MGMT: variants seen among roughly 807,000 people sequenced by gnomAD.
The protein encoded by MGMT is O-6-methylguanine-DNA methyltransferase.
In MGMT, 14 loss-of-function variants were observed where a neutral mutation model predicts 15.9. The ratio of observed to expected loss-of-function variants is 0.88; its 90% CI spans 0.58 to 1.37. The LOEUF (loss-of-function observed/expected upper bound fraction) is 1.37, where lower values mean the gene tolerates loss of function less well. Among genes scored for constraint, MGMT ranks in the 40% most tolerant of loss-of-function variants. The pLI is 0.00. For synonymous variants in MGMT, 130 were observed against 118.2 expected (o/e 1.10, Z -0.65); for missense variants, 282 against 268.1 (o/e 1.05, Z -0.36).
At chr10:129,709,865 T>A (rs1481401611) in intron 3 of MGMT, among the ~76,000 whole-genome samples, 1 of 151,854 alleles carries the variant, frequency 6.6e-6, no homozygotes, top group African/African-American at 2.4e-5. Context: ...GGAGGAGGCC[T>A]CCGCAGCTGC....
chr10:129,747,414 A>G (rs1244669619), intron 3 of MGMT, among the ~76,000 whole-genome samples: 3 of 152,154 alleles, frequency 2.0e-5, no homozygotes, highest in Non-Finnish European at 4.4e-5. Context: ...GTTAAATTGT[A>G]TTAAATATTT....
chr10:129,724,514 T>C (rs1426229877), intron 3 of MGMT, among the ~76,000 whole-genome samples: 1 of 152,178 alleles, frequency 6.6e-6, no homozygotes, highest in Non-Finnish European at 1.5e-5. Flanking sequence ...CAAATGATGT[T>C]GAAGATGGTA....
intron 2 of MGMT, among the ~76,000 whole-genome samples, chr10:129,658,406 C>A (rs1847556728): frequency 6.6e-6 from 1 of 152,188 alleles, no homozygotes; most frequent in South Asian, 2.1e-4. Flanking sequence ...TGACAGGTGA[C>A]CCTCAGAGCA....
intron 2 of MGMT, among the ~76,000 whole-genome samples, chr10:129,563,546 A>G (rs1359423566): frequency 6.6e-6 from 1 of 152,036 alleles, no homozygotes; most frequent in Non-Finnish European, 1.5e-5. Flanking sequence ...TGTCATGAAA[A>G]TTTAATTTTT....
intron 2 of MGMT, among the ~76,000 whole-genome samples, chr10:129,550,649 G>A (rs565125353): frequency 2.8e-4 from 42 of 152,156 alleles, no homozygotes; most frequent in African/African-American, 1.0e-3. Context: ...GTTTCACCGT[G>A]TTGCCAGGAT....
At chr10:129,732,746 G>T (rs1416570126) in intron 3 of MGMT, among the ~76,000 whole-genome samples, 1 of 129,290 alleles carries the variant, frequency 7.7e-6, no homozygotes, top group Admixed American at 9.1e-5. Flanking sequence ...TGTGATGTTC[G>T]CCTTCCTGTG....
chr10:129,646,754 A>ATATATATTTTTTTTTTTT, intron 2 of MGMT, among the ~76,000 whole-genome samples: 27 of 86,652 alleles, frequency 3.1e-4, no homozygotes, highest in African/African-American at 1.0e-3. Flanking sequence ...ATATATATAT[A>ATATATATTTTTTTTTTTT]TTTTCAGGGA....
intron 3 of MGMT, among the ~76,000 whole-genome samples, chr10:129,744,595 G>A (rs1848672505): frequency 6.6e-6 from 1 of 152,234 alleles, no homozygotes; most frequent in Non-Finnish European, 1.5e-5. Context: ...CACAGGCCTG[G>A]CAAAGGCTGC....
At chr10:129,575,775 G>T (rs1340349837) in intron 2 of MGMT, among the ~76,000 whole-genome samples, 4 of 152,010 alleles carry the variant, frequency 2.6e-5, no homozygotes, top group Non-Finnish European at 5.9e-5. Context: ...CAACAAAATT[G>T]ATAGACTGCT....
intron 3 of MGMT, among the ~76,000 whole-genome samples, chr10:129,727,609 C>A (rs1016938324): frequency 7.9e-5 from 12 of 152,202 alleles, no homozygotes; most frequent in African/African-American, 2.9e-4. Context: ...CATAGCTGGT[C>A]CTTGTCCTTT....
intron 1 of MGMT, among the ~76,000 whole-genome samples, chr10:129,497,952 T>C (rs1202550014): frequency 6.6e-6 from 1 of 152,222 alleles, no homozygotes; most frequent in East Asian, 1.9e-4. Flanking sequence ...GAATTTCTGT[T>C]GTTTACAAAG....
At chr10:129,484,956 A>G (rs756878741) in intron 1 of MGMT, among the ~76,000 whole-genome samples, 42 of 151,696 alleles carry the variant, frequency 2.8e-4, no homozygotes, top group Non-Finnish European at 5.1e-4. Context: ...TGTATTTTAT[A>G]TATGTGTGTA....
chr10:129,496,598 A>G (rs1312534225), intron 1 of MGMT, among the ~76,000 whole-genome samples: 1 of 151,934 alleles, frequency 6.6e-6, no homozygotes, highest in Non-Finnish European at 1.5e-5. Context: ...AGGGTGGTGC[A>G]CTCTGGGCCG....
At chr10:129,554,842 A>G (rs565438756) in intron 2 of MGMT, among the ~76,000 whole-genome samples, 1 of 152,326 alleles carries the variant, frequency 6.6e-6, no homozygotes, top group Admixed American at 6.5e-5. Context: ...CCCATAGCTC[A>G]GAAGTGACAT....
At chr10:129,511,178 C>T (rs1845679273) in intron 1 of MGMT, among the ~76,000 whole-genome samples, 1 of 147,464 alleles carries the variant, frequency 6.8e-6, no homozygotes, top group Non-Finnish European at 1.5e-5. Context: ...TAGATGCAGG[C>T]ACGTGCTTCA....
chr10:129,677,999 G>C (rs1283673627), intron 2 of MGMT, among the ~76,000 whole-genome samples: 6 of 152,206 alleles, frequency 3.9e-5, no homozygotes, highest in Non-Finnish European at 8.8e-5. Flanking sequence ...AAGTTACCTT[G>C]ACAGATTGTG....
intron 3 of MGMT, among the ~76,000 whole-genome samples, chr10:129,755,758 C>T (rs981036460): frequency 3.3e-5 from 5 of 152,228 alleles, no homozygotes; most frequent in Admixed American, 6.5e-5. Context: ...TGAGCCTGGC[C>T]GTGTGCAGTG....
intron 1 of MGMT, among the ~76,000 whole-genome samples, chr10:129,492,013 TGTGA>T (rs1454366235): frequency 6.6e-6 from 1 of 152,150 alleles, no homozygotes; most frequent in Non-Finnish European, 1.5e-5. Flanking sequence ...CTTTTAAAAT[TGTGA>T]GTGTTTGCTG....
intron 2 of MGMT, among the ~76,000 whole-genome samples, chr10:129,675,003 G>A (rs1421234920): frequency 6.6e-6 from 1 of 152,186 alleles, no homozygotes; most frequent in African/African-American, 2.4e-5. Context: ...AGTCAGAGGA[G>A]GCTTCTTTGA....
Sources: gnomAD v4.1 joint callset for allele counts (sites outside exome capture counted in the v4.1 genomes callset) on GRCh38, gnomAD v4.1.1 for gene constraint, MANE v1.5 for transcripts, NCBI Gene and HGNC (gene_info 2026-07-23, HGNC 2026-07-21) for gene names.